The following CCDC178 variants were observed in gnomAD, a reference collection of about 807,000 sequenced individuals.
The protein encoded by CCDC178 is coiled-coil domain-containing protein 178.
In CCDC178, 126 loss-of-function variants were observed where a neutral mutation model predicts 117.4. That is an observed-to-expected ratio of 1.07 (90% CI 0.93 to 1.24). The LOEUF is 1.24. CCDC178 is among the 50% of genes most tolerant of loss of function. The probability of loss-of-function intolerance (pLI) is 0.00; values close to 1 mark genes in which losing one functional copy is unlikely to be tolerated. For missense variants in CCDC178, 1,030 were observed against 986.9 expected (o/e 1.04, Z -0.59); for synonymous variants, 283 against 313.4 (o/e 0.90, Z 1.02).
chr18:33,412,935 T>C (rs1366967081), intron 2 of CCDC178, among the ~76,000 whole-genome samples: 2 of 152,146 alleles, frequency 1.3e-5, no homozygotes, highest in African/African-American at 4.8e-5. Context: ...CCTAAGTAAA[T>C]ATCAAATATT....
At chr18:33,358,382 A>C (rs1432432950) in intron 6 of CCDC178, among the ~76,000 whole-genome samples, 1 of 151,932 alleles carries the variant, frequency 6.6e-6, no homozygotes, top group African/African-American at 2.4e-5. Flanking sequence ...GTACCATATG[A>C]GATATCAAAA....
chr18:32,967,078 G>A (rs1483713156), intron 22 of CCDC178, among the ~76,000 whole-genome samples: 1 of 151,580 alleles, frequency 6.6e-6, no homozygotes, highest in Non-Finnish European at 1.5e-5. Flanking sequence ...ACTTTTATTA[G>A]AATAAGTATA....
At chr18:33,164,656 A>G (rs1160162735) in intron 20 of CCDC178, among the ~76,000 whole-genome samples, 2 of 151,790 alleles carry the variant, frequency 1.3e-5, no homozygotes, top group Non-Finnish European at 2.9e-5. Context: ...AATTTCTTTA[A>G]TATCTGGGTT....
At chr18:33,073,603 T>C (rs929338386) in intron 21 of CCDC178, among the ~76,000 whole-genome samples, 2 of 152,066 alleles carry the variant, frequency 1.3e-5, no homozygotes, top group Non-Finnish European at 1.5e-5. Flanking sequence ...AATTTCTAGA[T>C]GTAGGAATGC....
At chr18:33,092,201 G>C (rs928735449) in intron 21 of CCDC178, among the ~76,000 whole-genome samples, 1 of 152,116 alleles carries the variant, frequency 6.6e-6, no homozygotes, top group African/African-American at 2.4e-5. Context: ...TAACACTCTA[G>C]TAATAGAACT....
At position 33,421,145 on chromosome 18, in the gene CCDC178, T is replaced by C. The variant is rs1021243104; in HGVS notation, c.-22-9035A>G. Among the ~76,000 whole-genome samples, 17 of 152,176 alleles carry C rather than the reference T, an allele frequency of 1.1e-4. 1 individual carries two copies. The highest frequency in any genetic ancestry group is 2.5e-4 in the Non-Finnish European group (17 of 68,034). On this transcript the variant is annotated intron_variant, in intron 2 of 22. Coordinates refer to ENST00000383096, the MANE Select transcript of CCDC178 (RefSeq NM_001105528.4). ...ATTTTAGGGAAGAGTTTCCAGGCAT[T>C]GCTGACAAATATGCAAAGGTTCTAT...
At chr18:33,298,555 C>G (rs777577377) in intron 11 of CCDC178, among the ~76,000 whole-genome samples, 1 of 152,128 alleles carries the variant, frequency 6.6e-6, no homozygotes, top group Non-Finnish European at 1.5e-5. Flanking sequence ...AAAGTTTTTT[C>G]TATAAGATCT....
At chr18:33,313,739 G>C (rs373679563) in intron 11 of CCDC178, among the ~76,000 whole-genome samples, 2 of 152,066 alleles carry the variant, frequency 1.3e-5, no homozygotes, top group Non-Finnish European at 2.9e-5. Context: ...ACCCTGCATG[G>C]GAGGGCCAAA....
chr18:33,166,646 T>C (rs1452472052), intron 20 of CCDC178, among the ~76,000 whole-genome samples: 1 of 152,216 alleles, frequency 6.6e-6, no homozygotes, highest in Non-Finnish European at 1.5e-5. Context: ...TTCACCTCTC[T>C]GTCCCCATCA....
At chr18:33,202,553 T>G (rs1392729114) in intron 20 of CCDC178, among the ~76,000 whole-genome samples, 1 of 152,172 alleles carries the variant, frequency 6.6e-6, no homozygotes, top group Admixed American at 6.5e-5. Context: ...TCTAATGTTT[T>G]CTTCACATGA....
At chr18:33,322,220 A>T (rs1052504400) in intron 11 of CCDC178, among the ~76,000 whole-genome samples, 3 of 151,988 alleles carry the variant, frequency 2.0e-5, no homozygotes, top group Non-Finnish European at 4.4e-5. Context: ...AAATTAAAAA[A>T]AAATTAATAA....
chr18:33,417,923 A>T (rs2063969032), intron 2 of CCDC178, among the ~76,000 whole-genome samples: 1 of 152,140 alleles, frequency 6.6e-6, no homozygotes, highest in Admixed American at 6.5e-5. Context: ...TACAAAGAAG[A>T]GCTGGTACCA....
intron 20 of CCDC178, among the ~76,000 whole-genome samples, chr18:33,191,681 T>G (rs1427908947): frequency 6.6e-6 from 1 of 152,176 alleles, no homozygotes; most frequent in Non-Finnish European, 1.5e-5. Context: ...ATTTTTAGTC[T>G]TTTAATATTT....
chr18:33,337,968 G>A (rs957188149), intron 9 of CCDC178, among the ~76,000 whole-genome samples: 1 of 152,036 alleles, frequency 6.6e-6, no homozygotes. Flanking sequence ...GAGGTAACAG[G>A]CAACCCACAG....
chr18:33,291,917 T>C (rs2060169981), intron 12 of CCDC178, among the ~76,000 whole-genome samples: 3 of 151,808 alleles, frequency 2.0e-5, no homozygotes, highest in African/African-American at 7.3e-5. Context: ...AAATAACAAA[T>C]GCTGTTGAAG....
At chr18:33,346,459 G>A (rs1399132188) in intron 8 of CCDC178, 48 bp from the exon 9 acceptor site, 1 of 1,228,876 alleles carries the variant, frequency 8.1e-7, no homozygotes. Context: ...CAGTCAATAA[G>A]CTGGATGATG....
At position 32,977,952 on chromosome 18, in the gene CCDC178, A is replaced by G. The variant is rs541770942; in HGVS notation, c.2389-3271T>C. Among the ~76,000 whole-genome samples the G allele has an allele frequency of 9.2e-5, 14 of 152,312 alleles. 1 individual carries two copies. The South Asian group carries it at 2.9e-3, about 32-fold the overall frequency. ...GCTGTAGAGGAATTCCTTAACAACA[A>G]GGTAAATTTTGCAAGTGGGAGCGCT... On this transcript the variant is annotated intron_variant, in intron 21 of 22. Transcript: ENST00000383096.
rs1208435285 is a variant in CCDC178, at chr18:33,346,139, A to T, written c.658+72T>A. 1.1e-5 allele frequency: 13 copies of T among 1,196,264 alleles called. No individual in the cohort carries two copies. In the East Asian group the frequency reaches 3.0e-4, roughly 27 times the overall value. 74.1% of individuals were successfully genotyped at this position (1,196,264 alleles called of 1,614,324 possible). A position where few individuals can be genotyped will look rare whatever the true frequency, so the allele number is the denominator to read the frequency against. On this transcript the variant is annotated intron_variant, in intron 9 of 22. Coordinates refer to ENST00000383096, the MANE Select transcript of CCDC178 (RefSeq NM_001105528.4). ...TGGCACTAAGACAATTTTTTTAAAAATATACAGACCTGTAATTAATTATCT... is the reference window on the plus strand; with the variant it reads ...TGGCACTAAGACAATTTTTTTAAAATTATACAGACCTGTAATTAATTATCT...
chr18:33,280,704 A>C (rs2060013038), intron 12 of CCDC178, among the ~76,000 whole-genome samples: 1 of 152,272 alleles, frequency 6.6e-6, no homozygotes, highest in Non-Finnish European at 1.5e-5. Context: ...GAACCAAGCC[A>C]AATGTCCAAC....
Sources: gnomAD v4.1 joint callset for allele counts (sites outside exome capture counted in the v4.1 genomes callset) on GRCh38, gnomAD v4.1.1 for gene constraint, MANE v1.5 for transcripts, NCBI Gene and HGNC (gene_info 2026-07-23, HGNC 2026-07-21) for gene names.